CBR4: variants seen among roughly 807,000 people sequenced by gnomAD.
The protein encoded by CBR4 is 3-oxoacyl-[acyl-carrier-protein] reductase.
CBR4 carries 22 observed loss-of-function variants against 21.0 expected under a neutral mutation model. The ratio of observed to expected loss-of-function variants is 1.05; its 90% CI spans 0.75 to 1.50. The LOEUF is 1.50. Ranked by LOEUF, CBR4 falls within the 40% of genes most tolerant of loss-of-function variation. The pLI is 0.00. For missense variants in CBR4, 302 were observed against 286.3 expected, an observed-to-expected ratio of 1.05 and a Z score of -0.40; for synonymous variants, 100 against 104.4, an observed-to-expected ratio of 0.96 and a Z score of 0.26.
chr4:168,948,799 G>A (rs149726789), intron 2 of CBR4, among the ~76,000 whole-genome samples: 127 of 152,266 alleles, frequency 8.3e-4, no homozygotes, highest in Admixed American at 5.2e-3. Flanking sequence ...CAGGTAGTGC[G>A]ATACCTCCAG....
rs1764744157 is a variant in CBR4, at chr4:168,987,849, C to G, written c.*2301G>C. 3.1e-6 allele frequency: 3 copies of G among 978,962 alleles called. No homozygotes were observed. Among genetic ancestry groups the G allele is most frequent in the African/African-American group, 3.5e-5 (2 of 57,058 alleles). 60.6% of individuals were successfully genotyped at this position (978,962 alleles called of 1,614,324 possible). ...AACATATAATTATCTCCCTAAAAAG[C>G]AGTTACAAACCATAAATTGAATATG... On this transcript the variant is annotated 3_prime_UTR_variant, in exon 5 of 5. Coordinates refer to ENST00000306193, the MANE Select transcript of CBR4 (RefSeq NM_032783.5).
chr4:168,999,881 AT>A (rs1730273470), intron 4 of CBR4, among the ~76,000 whole-genome samples: 1 of 152,144 alleles, frequency 6.6e-6, no homozygotes, highest in Non-Finnish European at 1.5e-5. Context: ...CACTGCAATT[AT>A]TTGTTTACAT....
intron 4 of CBR4, among the ~76,000 whole-genome samples, chr4:168,991,839 T>C (rs1764941020): frequency 6.6e-6 from 1 of 152,174 alleles, no homozygotes; most frequent in Non-Finnish European, 1.5e-5. Context: ...GAAAAATAGA[T>C]GGACTAAAAC....
Position 168,988,723 on chromosome 4 carries a change from C to A in CBR4, c.*1427G>T. On this transcript the variant is annotated 3_prime_UTR_variant, in exon 5 of 5. Transcript: ENST00000306193. The stretch of plus-strand genomic sequence containing the variant: ...ACTAACTTTACTCACACTTAATTGA[C>A]TTTCTCATATCCTGAGATTAATCTA... The A allele has an allele frequency of 1.0e-6, 1 of 972,612 alleles. No individual in the cohort carries two copies. Among genetic ancestry groups the A allele is most frequent in the Non-Finnish European group, 1.2e-6 (1 of 818,292 alleles). 60.2% of individuals were successfully genotyped at this position (972,612 alleles called of 1,614,324 possible). A position where few individuals can be genotyped will look rare whatever the true frequency, so the allele number is the denominator to read the frequency against.
chr4:168,963,378 C>T lies in CBR4; in HGVS notation n.169+38693G>A, dbSNP rs144847836. On this transcript the variant is annotated intron_variant and non_coding_transcript_variant, in intron 2 of 3. Coordinates refer to the CBR4 transcript ENST00000509108. ...TTACTTACTCATTCAGAGAAGATAACAGAACACAGATGTCTTATGCCACAA... is the reference window on the plus strand; with the variant it reads ...TTACTTACTCATTCAGAGAAGATAATAGAACACAGATGTCTTATGCCACAA... Among the ~76,000 whole-genome samples the T allele has an allele frequency of 4.4e-3, 669 of 152,070 alleles. 1 individual carries two copies. The highest frequency in any genetic ancestry group is 0.015 in the African/African-American group (603 of 41,478).
chr4:168,949,815 T>C (rs1408885654), intron 2 of CBR4, among the ~76,000 whole-genome samples: 1 of 152,304 alleles, frequency 6.6e-6, no homozygotes, highest in East Asian at 1.9e-4. Flanking sequence ...CTGTTCAGGG[T>C]ATCTAATTCT....
chr4:168,989,961 CAAA>C lies in CBR4; in HGVS notation c.*186_*188del. On this transcript the variant is annotated 3_prime_UTR_variant, in exon 5 of 5. Transcript: ENST00000306193. ...AAAACAACACTGATGTAACTTAGACCAAAAAAAAAAAAACCACAATTTGTCACA... is the reference window on the plus strand; with the variant it reads ...AAAACAACACTGATGTAACTTAGACCAAAAAAAAAACCACAATTTGTCACA... 2.7e-5 allele frequency: 28 copies of C among 1,023,678 alleles called. No homozygotes were observed. Among genetic ancestry groups the C allele is most frequent in the Admixed American group, 9.7e-5 (2 of 20,674 alleles). 63.4% of individuals were successfully genotyped at this position (1,023,678 alleles called of 1,614,324 possible). A position where few individuals can be genotyped will look rare whatever the true frequency, so the allele number is the denominator to read the frequency against.
intron 2 of CBR4, among the ~76,000 whole-genome samples, chr4:168,958,955 G>A (rs779959486): frequency 6.6e-5 from 10 of 151,992 alleles, no homozygotes; most frequent in Non-Finnish European, 1.0e-4. Context: ...ATGTATATAT[G>A]TATATATATA....
intron 2 of CBR4, among the ~76,000 whole-genome samples, chr4:168,971,763 T>G (rs1327648480): frequency 6.6e-6 from 1 of 152,222 alleles, no homozygotes; most frequent in Admixed American, 6.5e-5. Flanking sequence ...CTGCTGATTA[T>G]TTCTTTTGCT....
At chr4:168,913,427 G>A (rs1242340792) in intron 2 of CBR4, among the ~76,000 whole-genome samples, 10 of 152,030 alleles carry the variant, frequency 6.6e-5, no homozygotes, top group Admixed American at 6.6e-4. Context: ...ATGAGCCATC[G>A]TGCCCGGCCA....
chr4:168,952,239 A>G (rs984299754), intron 2 of CBR4, among the ~76,000 whole-genome samples: 15 of 152,186 alleles, frequency 9.9e-5, no homozygotes, highest in East Asian at 1.9e-4. Context: ...TTGCATTTCT[A>G]TAAGTGTGAC....
At chr4:168,995,356 G>T (rs1344492391) in intron 4 of CBR4, among the ~76,000 whole-genome samples, 2 of 152,140 alleles carry the variant, frequency 1.3e-5, no homozygotes, top group Non-Finnish European at 2.9e-5. Flanking sequence ...CAAAAGTTGT[G>T]AGTGACCATT....
intron 4 of CBR4, among the ~76,000 whole-genome samples, chr4:168,998,929 G>A (rs1241162559): frequency 2.6e-5 from 4 of 152,106 alleles, no homozygotes; most frequent in Non-Finnish European, 5.9e-5. Flanking sequence ...ATGTCCAGAG[G>A]AGAAAAGACT....
chr4:168,935,010 G>C (rs1430574813), intron 2 of CBR4, among the ~76,000 whole-genome samples: 1 of 152,146 alleles, frequency 6.6e-6, no homozygotes, highest in African/African-American at 2.4e-5. Flanking sequence ...GAACAGCTCC[G>C]GTCTGCAACC....
intron 2 of CBR4, among the ~76,000 whole-genome samples, chr4:168,905,880 G>A (rs6813098): frequency 0.84 from 126,259 of 149,770 alleles, 53,366 homozygotes; most frequent in East Asian, 1. Flanking sequence ...GCCCACTGCA[G>A]TCTCCACCTC....
At position 168,927,498 on chromosome 4, in the gene CBR4, G is replaced by A. The variant is rs978006537; in HGVS notation, n.170-32733C>T. ...AGCAAGTTGAAAATGGATTGAGACTGCATGGTGGCATAAATGAGAAATTGC... is the reference window on the plus strand; with the variant it reads ...AGCAAGTTGAAAATGGATTGAGACTACATGGTGGCATAAATGAGAAATTGC... On this transcript the variant is annotated intron_variant and non_coding_transcript_variant, in intron 2 of 3. Coordinates refer to the CBR4 transcript ENST00000509108. The A allele has an allele frequency of 3.4e-5, 8 of 232,072 alleles. No individual in the cohort carries two copies. In the South Asian group the frequency reaches 1.3e-3, roughly 37 times the overall value. The allele number at this position is 232,072 out of a possible 1,614,324, so 14.4% of individuals were successfully genotyped here.
chr4:168,967,645 G>C (rs1241281430), intron 2 of CBR4, among the ~76,000 whole-genome samples: 1 of 152,152 alleles, frequency 6.6e-6, no homozygotes, highest in East Asian at 1.9e-4. Context: ...TGGTGGTGAA[G>C]GAAAGTCCCA....
chr4:168,904,132 T>C (rs1757125848), intron 2 of CBR4: 3 of 540,904 alleles, frequency 5.5e-6, no homozygotes, highest in Admixed American at 3.0e-5. Flanking sequence ...ACAAATATTA[T>C]TAAGGGTCTA....
intron 2 of CBR4, among the ~76,000 whole-genome samples, chr4:168,922,613 C>A (rs1761804203): frequency 1.3e-5 from 2 of 152,142 alleles, no homozygotes; most frequent in Non-Finnish European, 2.9e-5. Context: ...GAAGTCTTGA[C>A]AAAACTCTTG....
Sources: gnomAD v4.1 joint callset for allele counts (sites outside exome capture counted in the v4.1 genomes callset) on GRCh38, gnomAD v4.1.1 for gene constraint, MANE v1.5 for transcripts, NCBI Gene and HGNC (gene_info 2026-07-23, HGNC 2026-07-21) for gene names.